The following PTPN12 variants were observed in gnomAD, a reference collection of about 807,000 sequenced individuals.
PTPN12 encodes protein tyrosine phosphatase non-receptor type 12, also known as tyrosine-protein phosphatase non-receptor type 12.
Under a neutral mutation model 97.6 loss-of-function variants are expected in PTPN12, and 29 were observed. The observed-to-expected ratio is 0.30, with a 90% CI of 0.22 to 0.41. The LOEUF (loss-of-function observed/expected upper bound fraction) is 0.41, where lower values mean the gene tolerates loss of function less well. Among genes scored for constraint, PTPN12 ranks in the 10% least tolerant of loss-of-function variants. PTPN12 has a pLI of 1.00. For synonymous variants in PTPN12, 327 were observed against 300.4 expected, an observed-to-expected ratio of 1.09 and a Z score of -0.91; for missense variants, 819 against 926.0, an observed-to-expected ratio of 0.88 and a Z score of 1.50.
chr7:77,552,147 G>T (rs1392416958), intron 1 of PTPN12, among the ~76,000 whole-genome samples: 1 of 152,190 alleles, frequency 6.6e-6, no homozygotes, highest in Non-Finnish European at 1.5e-5. Flanking sequence ...AACAGAGTCT[G>T]TCTCTGTTGC....
intron 12 of PTPN12, among the ~76,000 whole-genome samples, chr7:77,625,472 G>GCTCGCTCTCTCTCTCTCTCT: frequency 1.2e-4 from 4 of 33,528 alleles, no homozygotes; most frequent in African/African-American, 1.3e-4. Context: ...CAGGCTGCTC[G>GCTCGCTCTCTCTCTCTCTCT]CTCTCTCTCT....
intron 8 of PTPN12, among the ~76,000 whole-genome samples, chr7:77,604,209 CTTTTTT>C (rs71082768): frequency 0.012 from 615 of 52,790 alleles, 5 homozygotes; most frequent in Admixed American, 0.021. Context: ...TTTTTTCTTC[CTTTTTT>C]TTTTTTTTTT....
intron 1 of PTPN12, among the ~76,000 whole-genome samples, chr7:77,554,920 T>TCAAAC (rs1382406853): frequency 2.0e-5 from 3 of 152,154 alleles, no homozygotes; most frequent in African/African-American, 7.2e-5. Context: ...ACTCCTGGGC[T>TCAAAC]CAAACCATCC....
In PTPN12 at chr7:77,632,405, TTG is replaced by T; in HGVS notation, c.2058_2059del (p.Leu687SerfsTer3). The T allele has an allele frequency of 6.2e-7, 1 of 1,609,948 alleles. No individual in the cohort carries two copies. Among genetic ancestry groups the T allele is most frequent in the Non-Finnish European group, 8.5e-7 (1 of 1,176,346 alleles). ...CTACCTGAAAGAACTCCTGAATCGT[TTG>T]TGTTAGCAAGTGAACATAGTGAGTG... is the stretch of plus-strand genomic sequence containing the variant. On this transcript the variant is annotated frameshift_variant, in exon 14 of 18. Transcript: ENST00000248594. LOFTEE classifies it high-confidence loss of function.
At chr7:77,592,130 C>T in intron 5 of PTPN12, 55 bp from the exon 6 acceptor site, 2 of 1,436,866 alleles carry the variant, frequency 1.4e-6, no homozygotes, top group Admixed American at 1.9e-5. Context: ...ATATTTATAA[C>T]AGTTTAAGAA....
intron 8 of PTPN12, among the ~76,000 whole-genome samples, chr7:77,602,281 C>T (rs944259969): frequency 1.1e-4 from 16 of 152,044 alleles, no homozygotes; most frequent in Admixed American, 1.3e-4. Context: ...TTTCTGTCAT[C>T]TGGTCATTCT....
At chr7:77,600,337 G>C (rs1488035911) in intron 7 of PTPN12, among the ~76,000 whole-genome samples, 1 of 152,150 alleles carries the variant, frequency 6.6e-6, no homozygotes, top group Non-Finnish European at 1.5e-5. Context: ...TACATGCTCT[G>C]GAAGTAGAAC....
At chr7:77,566,113 A>G (rs7788492) in intron 1 of PTPN12, among the ~76,000 whole-genome samples, 107,687 of 152,192 alleles carry the variant, frequency 0.71, 39,168 homozygotes, top group East Asian at 0.9. Flanking sequence ...CCAGAGCCCT[A>G]CTCACCAGTA....
chr7:77,543,361 A>T (rs1481267136), intron 1 of PTPN12, among the ~76,000 whole-genome samples: 1 of 146,008 alleles, frequency 6.8e-6, no homozygotes, highest in Non-Finnish European at 1.5e-5. Flanking sequence ...TTTTTTTTTT[A>T]AAGAGAGAAC....
intron 12 of PTPN12, among the ~76,000 whole-genome samples, chr7:77,621,087 G>A (rs1788918936): frequency 6.6e-6 from 1 of 151,170 alleles, no homozygotes; most frequent in East Asian, 1.9e-4. Context: ...TGTGTTGTGT[G>A]TATATTTCAT....
intron 1 of PTPN12, among the ~76,000 whole-genome samples, chr7:77,539,958 C>T (rs1302716170): frequency 6.6e-6 from 1 of 152,150 alleles, no homozygotes; most frequent in African/African-American, 2.4e-5. Context: ...GGATTACAGG[C>T]GTGAGCCACC....
intron 1 of PTPN12, among the ~76,000 whole-genome samples, chr7:77,564,746 G>GGTTTTTTTTTTTTTT (rs1808162192): frequency 8.8e-5 from 4 of 45,402 alleles, no homozygotes; most frequent in African/African-American, 3.6e-4. Context: ...TTGTTGTCGT[G>GGTTTTTTTTTTTTTT]TTTTTTTTTT....
intron 2 of PTPN12, among the ~76,000 whole-genome samples, chr7:77,578,916 C>G (rs892969698): frequency 6.6e-6 from 1 of 152,040 alleles, no homozygotes; most frequent in Non-Finnish European, 1.5e-5. Context: ...GGTAACCAAG[C>G]AATACCATAT....
At chr7:77,603,876 T>C (rs1392479933) in intron 8 of PTPN12, among the ~76,000 whole-genome samples, 1 of 149,212 alleles carries the variant, frequency 6.7e-6, no homozygotes, top group Non-Finnish European at 1.5e-5. Flanking sequence ...TGTTATCTTT[T>C]TGTTTGCTTT....
intron 1 of PTPN12, among the ~76,000 whole-genome samples, chr7:77,547,272 C>T (rs1807268960): frequency 6.6e-6 from 1 of 152,110 alleles, no homozygotes; most frequent in Non-Finnish European, 1.5e-5. Flanking sequence ...GAAAACATGG[C>T]AGTACTCTGT....
Position 77,537,368 on chromosome 7 carries a change from G to C in PTPN12, c.-179G>C, listed in dbSNP as rs1806701853. On this transcript the variant is annotated 5_prime_UTR_variant, in exon 1 of 18. Transcript: ENST00000248594. ...TGGAAGTTGTGGTGTCGGGAGCCCAGCCGGTGCCGCCGCAGCCGCCGCCTA... is the reference window on the plus strand; with the variant it reads ...TGGAAGTTGTGGTGTCGGGAGCCCACCCGGTGCCGCCGCAGCCGCCGCCTA... 1.2e-6 allele frequency: 1 copy of C among 837,040 alleles called. No individual in the cohort carries two copies. Among genetic ancestry groups the C allele is most frequent in the Non-Finnish European group, 1.7e-6 (1 of 592,016 alleles). The allele number at this position is 837,040 out of a possible 1,614,324, so 51.9% of individuals were successfully genotyped here. A position where few individuals can be genotyped will look rare whatever the true frequency, so the allele number is the denominator to read the frequency against.
intron 8 of PTPN12, among the ~76,000 whole-genome samples, chr7:77,602,928 TTA>T (rs1360422123): frequency 6.6e-6 from 1 of 152,218 alleles, no homozygotes; most frequent in Non-Finnish European, 1.5e-5. Context: ...TTTTTATTAT[TTA>T]CATAGTTAAA....
intron 1 of PTPN12, among the ~76,000 whole-genome samples, chr7:77,565,200 C>A (rs917885737): frequency 6.6e-6 from 1 of 152,160 alleles, no homozygotes; most frequent in South Asian, 2.1e-4. Context: ...TTTCAGTTAG[C>A]TTAATTTCCA....
intron 2 of PTPN12, among the ~76,000 whole-genome samples, chr7:77,573,089 A>AAAAAAAC (rs1562720755): frequency 3.4e-5 from 4 of 117,472 alleles, no homozygotes; most frequent in East Asian, 5.2e-4. Flanking sequence ...TCTCAAAAAA[A>AAAAAAAC]AAAAAAACAA....
Sources: gnomAD v4.1 joint callset for allele counts (sites outside exome capture counted in the v4.1 genomes callset) on GRCh38, gnomAD v4.1.1 for gene constraint, MANE v1.5 for transcripts, NCBI Gene and HGNC (gene_info 2026-07-23, HGNC 2026-07-21) for gene names.